Variants in RNF20 observed in about 807,000 individuals in gnomAD.
RNF20 encodes E3 ubiquitin-protein ligase BRE1A.
A neutral mutation model predicts 126.2 loss-of-function variants in RNF20; 84 were observed. The observed-to-expected ratio is 0.67, with a 90% CI of 0.56 to 0.80. The LOEUF is 0.80. Among genes scored for constraint, RNF20 ranks in the 30% least tolerant of loss-of-function variants. The pLI, the probability that RNF20 is intolerant of heterozygous loss-of-function variation, is 0.00. For synonymous variants in RNF20, 400 were observed against 414.3 expected (o/e 0.97, Z 0.42); for missense variants, 869 against 1,188.2 (o/e 0.73, Z 3.95).
Position 101,562,606 on chromosome 9 carries a change from T to C in RNF20, c.*184T>C. The C allele has an allele frequency of 3.7e-6, 2 of 537,294 alleles. No individual in the cohort carries two copies. Among genetic ancestry groups the C allele is most frequent in the South Asian group, 3.1e-5 (1 of 32,280 alleles). The allele number at this position is 537,294 out of a possible 1,614,324, so 33.3% of individuals were successfully genotyped here. ...GGATGACTTTAGCAGAAAGGACTGG[T>C]AAATACAAGCCTTGGGTTTCAGAAT... On this transcript the variant is annotated 3_prime_UTR_variant, in exon 20 of 20. Coordinates refer to ENST00000389120, the MANE Select transcript of RNF20 (RefSeq NM_019592.7).
At chr9:101,561,303 A>T (rs1293753012) in intron 18 of RNF20, 73 bp downstream of exon 18, 2 of 1,453,258 alleles carry the variant, frequency 1.4e-6, no homozygotes, top group African/African-American at 2.8e-5. Flanking sequence ...ATCATGAAAG[A>T]ATCATTAGTC....
Position 101,540,575 on chromosome 9 carries a change from T to C in RNF20, c.383T>C (p.Val128Ala), listed in dbSNP as rs747508312. The C allele has an allele frequency of 6.2e-7, 1 of 1,614,168 alleles. No homozygotes were observed. The highest frequency in any genetic ancestry group is 1.1e-5 in the South Asian group (1 of 91,086). The change falls in exon 4 of 20, where the codon GTT (valine) becomes GCT (alanine). Residue 128 changes from valine (V) to alanine (A), a missense_variant. Val to Ala is a moderately conservative substitution (Grantham distance 64). This residue lies in a region of RNF20 where 157 missense variants were observed against 236.0 expected (regional missense o/e 0.67). Transcript: ENST00000389120. ...GDLLTERKAL[V>A]VPEPEPDSDS... ...CTACTCACAGAACGAAAAGCCCTTG[T>C]TGTGCCTGAACCAGAACCAGACTCT...
At chr9:101,544,222 G>A (rs1362322558) in intron 5 of RNF20, among the ~76,000 whole-genome samples, 6 of 152,172 alleles carry the variant, frequency 3.9e-5, no homozygotes, top group African/African-American at 1.4e-4. Flanking sequence ...TTAAGCTTCA[G>A]AAGTGCCCCT....
chr9:101,555,768 A>G (rs1827521964), intron 15 of RNF20, among the ~76,000 whole-genome samples: 2 of 151,618 alleles, frequency 1.3e-5, no homozygotes, highest in East Asian at 1.9e-4. Context: ...CCTGACCAAC[A>G]TGGAGAAACC....
intron 16 of RNF20, among the ~76,000 whole-genome samples, chr9:101,558,189 C>T (rs575412049): frequency 2.6e-4 from 40 of 152,034 alleles, no homozygotes; most frequent in African/African-American, 7.5e-4. Context: ...TGCCTCCCTC[C>T]GCCAAGTCAC....
chr9:101,548,239 G>A (rs1325353050), intron 9 of RNF20, among the ~76,000 whole-genome samples: 2 of 152,132 alleles, frequency 1.3e-5, no homozygotes, highest in African/African-American at 4.8e-5. Flanking sequence ...AGCACGGAAA[G>A]GCAAATACTG....
In RNF20 at chr9:101,546,972, T is replaced by C. The variant is rs1340051269; in HGVS notation, c.894+6T>C. 1.2e-6 allele frequency: 2 copies of C among 1,613,974 alleles called. No individual in the cohort carries two copies. Among genetic ancestry groups the C allele is most frequent in the South Asian group, 2.2e-5 (2 of 91,082 alleles). On this transcript the variant is annotated splice_donor_region_variant and intron_variant, in intron 7 of 19. Coordinates refer to ENST00000389120, the MANE Select transcript of RNF20 (RefSeq NM_019592.7). The stretch of plus-strand genomic sequence containing the variant: ...TAGCAGAAGTCCTAGAACGGGTCAG[T>C]GCTGTTTTATGGCTTGGAGACTAGA...
chr9:101,562,026 C>G lies in RNF20; in HGVS notation c.2751+15C>G. On this transcript the variant is annotated intron_variant, in intron 19 of 19. Coordinates refer to ENST00000389120, the MANE Select transcript of RNF20 (RefSeq NM_019592.7). ...AGGATTACAAGGTTAGAAAAAATGCCTTAGTGATTAGTTTTTTGTCAAAGC... is the reference window on the plus strand; with the variant it reads ...AGGATTACAAGGTTAGAAAAAATGCGTTAGTGATTAGTTTTTTGTCAAAGC... 1 of 1,561,650 alleles carries G rather than the reference C, an allele frequency of 6.4e-7. No homozygotes were observed. Among genetic ancestry groups the G allele is most frequent in the African/African-American group, 1.4e-5 (1 of 73,174 alleles).
intron 9 of RNF20, among the ~76,000 whole-genome samples, chr9:101,548,000 A>T (rs1827379521): frequency 6.6e-6 from 1 of 152,228 alleles, no homozygotes; most frequent in Non-Finnish European, 1.5e-5. Flanking sequence ...TACAAAAACA[A>T]TTGTGTGTCT....
rs769902902 is a variant in RNF20, at chr9:101,547,568, ACT to A, written c.1092+52_1092+53del. On this transcript the variant is annotated intron_variant, in intron 9 of 19. Coordinates refer to ENST00000389120, the MANE Select transcript of RNF20 (RefSeq NM_019592.7). ...GTAAAATCAGACGTTCTGCTGATCA[ACT>A]CACGTATATACATAGTTGTGAATCT... The A allele has an allele frequency of 6.9e-5, 111 of 1,606,624 alleles. 1 individual carries two copies. Among genetic ancestry groups the A allele is most frequent in the Non-Finnish European group, 8.8e-5 (103 of 1,175,040 alleles).
At chr9:101,536,933 C>T (rs182996887) in intron 2 of RNF20, among the ~76,000 whole-genome samples, 37 of 152,300 alleles carry the variant, frequency 2.4e-4, no homozygotes, top group Admixed American at 2.0e-3. Context: ...TACTCTCTTT[C>T]GCTATAACTG....
chr9:101,561,032 G>T (rs139197724), intron 17 of RNF20, 58 bp from the exon 18 acceptor site: 1 of 1,603,168 alleles, frequency 6.2e-7, no homozygotes, highest in Non-Finnish European at 8.5e-7. Flanking sequence ...CTAACATTTT[G>T]CCTCACTGGC....
chr9:101,535,293 G>A (rs1827164996), intron 1 of RNF20, 105 bp from the exon 2 acceptor site: 3 of 730,066 alleles, frequency 4.1e-6, no homozygotes, highest in Non-Finnish European at 4.3e-6. Flanking sequence ...ATGGATCCAG[G>A]TTAAAGGGTT....
In RNF20 at chr9:101,562,483, C is replaced by G; in HGVS notation, c.*61C>G. ...GGAACTTATTCATTAACCACCAAACCTCTACCTCTTCTCTCCTTGACTGTC... is the reference window on the plus strand; with the variant it reads ...GGAACTTATTCATTAACCACCAAACGTCTACCTCTTCTCTCCTTGACTGTC... On this transcript the variant is annotated 3_prime_UTR_variant, in exon 20 of 20. Transcript: ENST00000389120. 6.7e-7 allele frequency: 1 copy of G among 1,485,966 alleles called. No homozygotes were observed. Among genetic ancestry groups the G allele is most frequent in the Non-Finnish European group, 9.1e-7 (1 of 1,098,108 alleles). The allele number at this position is 1,485,966 out of a possible 1,614,324, so 92.0% of individuals were successfully genotyped here.
intron 3 of RNF20, 52 bp downstream of exon 3, chr9:101,540,422 C>T: frequency 6.2e-7 from 1 of 1,611,304 alleles, no homozygotes; most frequent in Non-Finnish European, 8.5e-7. Context: ...TTTAGTTCTC[C>T]TTACTGTTCT....
rs545023133 is a variant in RNF20, at chr9:101,554,021, A to G, written c.1935A>G (p.Leu645=). ...AGGAGAGCCAAAAGGAGATGAAACTATTGCTGGATATGTACCGTTCTGCCC... is the reference window on the plus strand; with the variant it reads ...AGGAGAGCCAAAAGGAGATGAAACTGTTGCTGGATATGTACCGTTCTGCCC... The part of the protein sequence containing the change: ...KAQESQKEMK[L]LLDMYRSAPK... The change falls in exon 14 of 20, where the codon CTA becomes CTG. Residue 645 remains leucine (L), a synonymous_variant. Transcript: ENST00000389120. The G allele has an allele frequency of 5.6e-6, 9 of 1,613,404 alleles. No homozygotes were observed. The African/African-American group carries it at 6.7e-5, about 12-fold the overall frequency.
Position 101,535,468 on chromosome 9 carries a change from C to T in RNF20, c.45C>T (p.Thr15=). ...AAAGAGCAGCTGGAGAACCTGGCAC[C>T]TCCATGCCTCCTGAGAAGAAGGCAG... ...GNKRAAGEPG[T]SMPPEKKAAV... The change falls in exon 2 of 20, where the codon ACC becomes ACT. Residue 15 remains threonine (T), a synonymous_variant. Coordinates refer to ENST00000389120, the MANE Select transcript of RNF20 (RefSeq NM_019592.7). 1 of 1,613,964 alleles carries T rather than the reference C, an allele frequency of 6.2e-7. No homozygotes were observed. The highest frequency in any genetic ancestry group is 8.5e-7 in the Non-Finnish European group (1 of 1,179,900).
rs1187253155 is a variant in RNF20 at position 101,547,281 on chromosome 9, T to C, written c.972+67T>C. On this transcript the variant is annotated intron_variant, in intron 8 of 19. Transcript: ENST00000389120. ...GCTTTCATGCTTAGGTACTTAGGACTGTGTTCACAAGTGACATCATGGGGT... is the reference window on the plus strand; with the variant it reads ...GCTTTCATGCTTAGGTACTTAGGACCGTGTTCACAAGTGACATCATGGGGT... The C allele has an allele frequency of 4.4e-6, 7 of 1,592,120 alleles. No individual in the cohort carries two copies. In the East Asian group the frequency reaches 1.1e-4, roughly 25 times the overall value.
At position 101,552,253 on chromosome 9, in the gene RNF20, C is replaced by G. The variant is rs766203474; in HGVS notation, c.1521C>G (p.Asp507Glu). ...GGAAATTGAGAGAAGCCCAGTCTGA[C>G]CTGAACAAGGTAACCAGAGGGAATA... ...YKRKLREAQS[D>E]LNKTRLRSGS... The change falls in exon 12 of 20, where the codon GAC (aspartate) becomes GAG (glutamate). Residue 507 changes from aspartate (D) to glutamate (E), a missense_variant. Asp to Glu is a conservative substitution (Grantham distance 45). Around this residue, in one of 8 missense-constraint regions of RNF20, gnomAD observed 231 missense variants for 263.6 expected, o/e 0.88. Coordinates refer to ENST00000389120, the MANE Select transcript of RNF20 (RefSeq NM_019592.7). 6.2e-7 allele frequency: 1 copy of G among 1,614,150 alleles called. No individual in the cohort carries two copies. Among genetic ancestry groups the G allele is most frequent in the Non-Finnish European group, 8.5e-7 (1 of 1,180,012 alleles).
Sources: gnomAD v4.1 joint callset for allele counts (sites outside exome capture counted in the v4.1 genomes callset) on GRCh38, gnomAD v4.1.1 for gene constraint, gnomAD v4.1.1 regional missense constraint, MANE v1.5 for transcripts, NCBI Gene and HGNC (gene_info 2026-07-23, HGNC 2026-07-21) for gene names.